The following ZDHHC5 variants were observed in gnomAD, a reference collection of about 807,000 sequenced individuals.
The protein encoded by ZDHHC5 is palmitoyltransferase ZDHHC5.
A neutral mutation model predicts 70.0 loss-of-function variants in ZDHHC5; 22 were observed. The observed-to-expected ratio is 0.31, with a 90% CI of 0.22 to 0.45. ZDHHC5 has a LOEUF of 0.45. ZDHHC5 is among the 20% of genes least tolerant of loss of function. The probability of loss-of-function intolerance (pLI) is 1.00; values close to 1 mark genes in which losing one functional copy is unlikely to be tolerated. For synonymous variants in ZDHHC5, 313 were observed against 347.8 expected (o/e 0.90, Z 1.11); for missense variants, 746 against 926.9 (o/e 0.80, Z 2.53).
intron 1 of ZDHHC5, among the ~76,000 whole-genome samples, chr11:57,671,521 T>C (rs1029456159): frequency 6.6e-6 from 1 of 152,202 alleles, no homozygotes; most frequent in Non-Finnish European, 1.5e-5. Flanking sequence ...ATTCAGCTTC[T>C]ACCTCTTCAG....
chr11:57,683,541 A>G (rs1345869436), intron 3 of ZDHHC5, among the ~76,000 whole-genome samples: 25 of 152,236 alleles, frequency 1.6e-4, no homozygotes, highest in Admixed American at 1.6e-3. Context: ...ATGAGATACA[A>G]GAATGTCAAA....
chr11:57,682,959 TACAA>T (rs1336271575), intron 3 of ZDHHC5, among the ~76,000 whole-genome samples: 2 of 152,292 alleles, frequency 1.3e-5, no homozygotes, highest in Non-Finnish European at 2.9e-5. Flanking sequence ...TCTGTGAGAA[TACAA>T]ACAATTGAGA....
At chr11:57,669,458 T>C (rs1035971854) in intron 1 of ZDHHC5, among the ~76,000 whole-genome samples, 2 of 152,232 alleles carry the variant, frequency 1.3e-5, no homozygotes, top group Non-Finnish European at 2.9e-5. Flanking sequence ...TACATATTAC[T>C]TTTTTTCTCA....
chr11:57,693,594 A>C (rs531165142), intron 7 of ZDHHC5, among the ~76,000 whole-genome samples, 189 bp from the exon 8 acceptor site: 1 of 152,334 alleles, frequency 6.6e-6, no homozygotes, highest in African/African-American at 2.4e-5. Flanking sequence ...TCTGCTCACA[A>C]AGGCCTAGTC....
chr11:57,688,265 A>G (rs1946236997), intron 3 of ZDHHC5, among the ~76,000 whole-genome samples: 1 of 152,194 alleles, frequency 6.6e-6, no homozygotes, highest in Non-Finnish European at 1.5e-5. Context: ...TACAAGAGCT[A>G]CCTCTTGAGT....
chr11:57,696,060 T>A lies in ZDHHC5; in HGVS notation c.1009+17T>A. The A allele has an allele frequency of 6.2e-7, 1 of 1,603,744 alleles. No individual in the cohort carries two copies. Among genetic ancestry groups the A allele is most frequent in the South Asian group, 1.1e-5 (1 of 89,370 alleles). ...CTAATGAGGGTAAGGGCTGCCTTGATTTGCAAGATACTAGAACTAGGGGCA... is the reference window on the plus strand; with the variant it reads ...CTAATGAGGGTAAGGGCTGCCTTGAATTGCAAGATACTAGAACTAGGGGCA... On this transcript the variant is annotated intron_variant, in intron 9 of 11. Coordinates refer to ENST00000287169, the MANE Select transcript of ZDHHC5 (RefSeq NM_015457.3).
Position 57,672,962 on chromosome 11 carries a change from A to C in ZDHHC5, c.-129A>C. ...TATTTGGGAGGGGGAAGGGTGATAA[A>C]GTTTTCTGTTTCCCTGGTTTTCTTT... On this transcript the variant is annotated 5_prime_UTR_variant, in exon 2 of 12. Coordinates refer to ENST00000287169, the MANE Select transcript of ZDHHC5 (RefSeq NM_015457.3). 1 of 775,230 alleles carries C rather than the reference A, an allele frequency of 1.3e-6. No individual in the cohort carries two copies. Among genetic ancestry groups the C allele is most frequent in the Non-Finnish European group, 2.1e-6 (1 of 480,404 alleles). The allele number at this position is 775,230 out of a possible 1,614,324, so 48.0% of individuals were successfully genotyped here.
At chr11:57,682,744 A>C (rs904056249) in intron 3 of ZDHHC5, among the ~76,000 whole-genome samples, 1 of 152,210 alleles carries the variant, frequency 6.6e-6, no homozygotes, top group African/African-American at 2.4e-5. Context: ...GATGAAAATC[A>C]GGTCAGGGTC....
intron 3 of ZDHHC5, among the ~76,000 whole-genome samples, chr11:57,688,083 C>T (rs921162963): frequency 1.3e-5 from 2 of 151,724 alleles, no homozygotes; most frequent in East Asian, 1.9e-4. Context: ...GCAAAGGATT[C>T]GTGCCTGGAA....
At chr11:57,689,600 ACTC>A (rs1590866529) in intron 4 of ZDHHC5, among the ~76,000 whole-genome samples, 1 of 148,518 alleles carries the variant, frequency 6.7e-6, no homozygotes, top group Non-Finnish European at 1.5e-5. Context: ...CTGGTCTTGA[ACTC>A]CTGACCTCGT....
At position 57,676,580 on chromosome 11, in the gene ZDHHC5, C is replaced by T. The variant is rs375918723; in HGVS notation, c.104+3386C>T. On this transcript the variant is annotated intron_variant, in intron 2 of 11. Transcript: ENST00000287169. ...TGTGGACCTAAGTTCTTCCTGTTTA[C>T]AGTGAGAACGTTGACCTACAGCAGT... is the stretch of plus-strand genomic sequence containing the variant. Among the ~76,000 whole-genome samples, 7 of 151,930 alleles carry T rather than the reference C, an allele frequency of 4.6e-5. 1 individual carries two copies. The highest frequency in any genetic ancestry group is 4.1e-4 in the South Asian group (2 of 4,820).
At chr11:57,698,496 G>A in intron 10 of ZDHHC5, 63 bp from the exon 11 acceptor site, 1 of 1,526,462 alleles carries the variant, frequency 6.6e-7, no homozygotes, top group Non-Finnish European at 8.8e-7. Flanking sequence ...AACTCCTTGA[G>A]CTCTGGGGTC....
chr11:57,694,001 GTTTT>G (rs11287593), intron 8 of ZDHHC5, 86 bp downstream of exon 8: 914 of 1,170,896 alleles, frequency 7.8e-4, no homozygotes, highest in East Asian at 2.1e-3. Context: ...TTTCCTTTGT[GTTTT>G]TTTTTTTTTT....
In ZDHHC5 at chr11:57,699,329, G is replaced by T. The variant is rs745703882; in HGVS notation, c.1893G>T (p.Leu631=). 6.2e-7 allele frequency: 1 copy of T among 1,613,290 alleles called. No individual in the cohort carries two copies. The highest frequency in any genetic ancestry group is 8.5e-7 in the Non-Finnish European group (1 of 1,179,352). The change falls in exon 11 of 12, where the codon CTG becomes CTT. Residue 631 remains leucine, a synonymous_variant. Transcript: ENST00000287169. ...SPEPGPTAPY[L]GRSMSYSSQK... is the part of the protein sequence containing the mutation. The stretch of plus-strand genomic sequence containing the variant: ...AACCAGGCCCAACAGCCCCATACCT[G>T]GGCCGATCGATGTCTTACAGCAGCC...
chr11:57,697,700 G>A (rs918533757), intron 10 of ZDHHC5, among the ~76,000 whole-genome samples: 5 of 151,252 alleles, frequency 3.3e-5, no homozygotes, highest in Non-Finnish European at 7.4e-5. Context: ...CCAGCTACTT[G>A]GCAGGCTGAG....
chr11:57,700,981 A>G lies in ZDHHC5; in HGVS notation c.*950A>G, dbSNP rs1034929521. 9.8e-5 allele frequency: 15 copies of G among 152,808 alleles called. No individual in the cohort carries two copies. Among genetic ancestry groups the G allele is most frequent in the East Asian group, 5.8e-4 (3 of 5,180 alleles). The allele number at this position is 152,808 out of a possible 1,614,324, so 9.5% of individuals were successfully genotyped here. A position where few individuals can be genotyped will look rare whatever the true frequency, so the allele number is the denominator to read the frequency against. Reference sequence around the variant, plus strand: ...CATGCCAAAAACGGGGGATAGAGAGAAGGAGTGGCAGGCCTAGGCCCCTCC... The same window carrying G: ...CATGCCAAAAACGGGGGATAGAGAGGAGGAGTGGCAGGCCTAGGCCCCTCC... On this transcript the variant is annotated 3_prime_UTR_variant, in exon 12 of 12. Transcript: ENST00000287169.
Position 57,672,177 on chromosome 11 carries a change from C to G in ZDHHC5, c.-914C>G. 2.5e-6 allele frequency: 1 copy of G among 398,482 alleles called. No individual in the cohort carries two copies. Among genetic ancestry groups the G allele is most frequent in the African/African-American group, 2.1e-5 (1 of 48,754 alleles). 24.7% of individuals were successfully genotyped at this position (398,482 alleles called of 1,614,324 possible). The stretch of plus-strand genomic sequence containing the variant: ...TGTCATCAATTGGAATTGATTTCTT[C>G]ATCTTATTCTGCCTATTGGGAAGAA... On this transcript the variant is annotated 5_prime_UTR_variant, in exon 2 of 12. Transcript: ENST00000287169.
rs145455311 is a variant in ZDHHC5, at chr11:57,699,037, A to G, written c.1601A>G (p.Asp534Gly). The G allele has an allele frequency of 1.1e-4, 179 of 1,611,516 alleles. No individual in the cohort carries two copies. Among genetic ancestry groups the G allele is most frequent in the Middle Eastern group, 4.9e-4 (3 of 6,084 alleles). ...CGAGAGCCCTCACCAGTCCGTTACG[A>G]CAATCTGTCGCGCCACATTGTGGCC... Reference protein sequence around the residue: ...THREPSPVRYDNLSRHIVASL... With the variant: ...THREPSPVRYGNLSRHIVASL... Residue 534 changes from aspartate (D) to glycine (G), a missense_variant, in exon 11 of 12, where the codon GAC becomes GGC. Transcript: ENST00000287169.
intron 6 of ZDHHC5, 112 bp downstream of exon 6, chr11:57,690,549 A>C: frequency 1.8e-6 from 2 of 1,138,806 alleles, no homozygotes; most frequent in Non-Finnish European, 1.3e-6. Flanking sequence ...AATACTTTTC[A>C]TGATTATGTA....
Sources: allele counts gnomAD v4.1 joint callset (sites outside exome capture counted in the v4.1 genomes callset), GRCh38; gene constraint gnomAD v4.1.1; transcripts MANE v1.5; gene names NCBI Gene and HGNC (gene_info 2026-07-23, HGNC 2026-07-21).